The following ZNF500 variants were observed in gnomAD, a reference collection of about 807,000 sequenced individuals.
The protein encoded by ZNF500 is zinc finger protein with KRAB and SCAN domains 18.
A neutral mutation model predicts 30.1 loss-of-function variants in ZNF500; 31 were observed. That is an observed-to-expected ratio of 1.03 (90% CI 0.77 to 1.39). ZNF500 has a LOEUF of 1.39. Ranked by LOEUF, ZNF500 falls within the 40% of genes most tolerant of loss-of-function variation. The pLI, the probability that ZNF500 is intolerant of heterozygous loss-of-function variation, is 0.00. For missense variants in ZNF500, 817 were observed against 657.8 expected (o/e 1.24, Z -2.65); for synonymous variants, 392 against 282.0 (o/e 1.39, Z -3.91).
In ZNF500 at chr16:4,752,093, C is replaced by A; in HGVS notation, c.*283G>T. On this transcript the variant is annotated 3_prime_UTR_variant, in exon 6 of 6. Coordinates refer to ENST00000219478, the MANE Select transcript of ZNF500 (RefSeq NM_021646.4). Reference sequence around the variant, plus strand: ...CCAGCCCCACGAACACCTTGAGTGTCGGCTTCTGGCCTCCTGAGTGTGTCT... The same window carrying A: ...CCAGCCCCACGAACACCTTGAGTGTAGGCTTCTGGCCTCCTGAGTGTGTCT... 21 of 1,321,760 alleles carry A rather than the reference C, an allele frequency of 1.6e-5. No individual in the cohort carries two copies. Among genetic ancestry groups the A allele is most frequent in the East Asian group, 1.5e-4 (5 of 33,938 alleles). 81.9% of individuals were successfully genotyped at this position (1,321,760 alleles called of 1,614,324 possible).
In ZNF500 at chr16:4,752,389, C is replaced by A; in HGVS notation, c.1430G>T (p.Gly477Val). The A allele has an allele frequency of 6.6e-7, 1 of 1,505,390 alleles. No homozygotes were observed. The allele number at this position is 1,505,390 out of a possible 1,614,324, so 93.3% of individuals were successfully genotyped here. A position where few individuals can be genotyped will look rare whatever the true frequency, so the allele number is the denominator to read the frequency against. Residue 477 changes from glycine to valine, a missense_variant, in exon 6 of 6, where the codon GGT becomes GTT. Physicochemically the swap from Gly to Val is moderately radical, Grantham distance 109. Coordinates refer to ENST00000219478, the MANE Select transcript of ZNF500 (RefSeq NM_021646.4). ...CAGGCCTGGTGATCAGGCTTTGGCA[C>A]CGGGGCCTCCAGGAGCCACCGGCTG... Reference protein sequence around the residue: ...TLQPVAPGGPGAKA With the variant: ...TLQPVAPGGPVAKA
At chr16:4,747,919 G>A (rs2082038618), downstream of ZNF500, among the ~76,000 whole-genome samples, 1 of 152,168 alleles carries the variant, frequency 6.6e-6, no homozygotes, top group Non-Finnish European at 1.5e-5. Flanking sequence ...ACGGGGTGCT[G>A]CTCTCTGCGG....
At chr16:4,763,217 G>A (rs949949142) in intron 2 of ZNF500, 8 of 659,254 alleles carry the variant, frequency 1.2e-5, no homozygotes, top group Non-Finnish European at 1.5e-5. Context: ...AACCAACATG[G>A]TGAAACCCCA....
chr16:4,753,344 C>A (rs1596495517), intron 5 of ZNF500, among the ~76,000 whole-genome samples: 1 of 152,194 alleles, frequency 6.6e-6, no homozygotes, highest in Non-Finnish European at 1.5e-5. Flanking sequence ...TGCCTGTAGT[C>A]CTAGCTACTC....
intron 3 of ZNF500, 104 bp from the exon 4 acceptor site, chr16:4,762,439 G>A (rs530832144): frequency 1.3e-6 from 2 of 1,519,066 alleles, no homozygotes; most frequent in Admixed American, 3.9e-5. Context: ...GCCCACCCAA[G>A]ATCCACTCCT....
At chr16:4,746,278 GGTGGCAGCCACGAGCACT>G (rs2082016499), downstream of ZNF500, 3 of 1,328,958 alleles carry the variant, frequency 2.3e-6, no homozygotes, top group Non-Finnish European at 3.1e-6. Flanking sequence ...GCACTCACTG[GGTGGCAGCCACGAGCACT>G]GTGACTGGAC....
chr16:4,746,635 C>A (rs1333732733), downstream of ZNF500: 3 of 1,311,160 alleles, frequency 2.3e-6, no homozygotes, highest in African/African-American at 4.5e-5. Flanking sequence ...TGGATCAATT[C>A]TCAATTGAAA....
downstream of ZNF500, chr16:4,747,271 CT>C: frequency 6.7e-7 from 1 of 1,483,712 alleles, no homozygotes; most frequent in Middle Eastern, 1.9e-4. Flanking sequence ...TGCTTTTCTC[CT>C]GTTTCAGTAA....
chr16:4,762,812 C>T, intron 2 of ZNF500, 56 bp from the exon 3 acceptor site: 1 of 1,530,018 alleles, frequency 6.5e-7, no homozygotes, highest in South Asian at 1.2e-5. Flanking sequence ...AGGAAAAATC[C>T]CCGCAGGGCC....
downstream of ZNF500, chr16:4,746,454 C>A (rs779763562): frequency 1.9e-6 from 3 of 1,613,666 alleles, no homozygotes; most frequent in Middle Eastern, 1.6e-4. Flanking sequence ...CGCAGAGTCC[C>A]CCACCATCTT....
chr16:4,750,235 G>A lies in ZNF500; in HGVS notation c.*2141C>T, dbSNP rs1218415761. 1 of 152,410 alleles carries A rather than the reference G, an allele frequency of 6.6e-6. No homozygotes were observed. Among genetic ancestry groups the A allele is most frequent in the Non-Finnish European group, 1.5e-5 (1 of 68,184 alleles). The allele number at this position is 152,410 out of a possible 1,614,324, so 9.4% of individuals were successfully genotyped here. On this transcript the variant is annotated 3_prime_UTR_variant, in exon 6 of 6. Coordinates refer to ENST00000219478, the MANE Select transcript of ZNF500 (RefSeq NM_021646.4). ...TGCCCCATGAGAGATCCCAGAGCTAGTCTAGAAGGTAAAAGCCGTCCCTCA... is the reference window on the plus strand; with the variant it reads ...TGCCCCATGAGAGATCCCAGAGCTAATCTAGAAGGTAAAAGCCGTCCCTCA...
At chr16:4,754,747 TTTTA>T (rs954139931) in intron 5 of ZNF500, among the ~76,000 whole-genome samples, 1 of 151,924 alleles carries the variant, frequency 6.6e-6, no homozygotes, top group Admixed American at 6.6e-5. Context: ...TATAATAATA[TTTTA>T]TTTATTTATT....
intron 1 of ZNF500, 62 bp from the exon 2 acceptor site, chr16:4,766,138 T>G: frequency 1.2e-6 from 1 of 833,348 alleles, no homozygotes; most frequent in Non-Finnish European, 1.7e-6. Flanking sequence ...CCCTTTGGCC[T>G]GGGAAGCCCC....
intron 2 of ZNF500, chr16:4,763,703 G>C: frequency 3.1e-6 from 3 of 983,256 alleles, no homozygotes; most frequent in Non-Finnish European, 3.6e-6. Context: ...TCGGTGCAGT[G>C]ACAGAAGGAA....
intron 3 of ZNF500, 103 bp from the exon 4 acceptor site, chr16:4,762,438 A>C: frequency 6.6e-7 from 1 of 1,516,600 alleles, no homozygotes; most frequent in Non-Finnish European, 8.9e-7. Flanking sequence ...TGCCCACCCA[A>C]GATCCACTCC....
rs1042125162 is a variant in ZNF500, at chr16:4,765,642, G to C, written c.337C>G (p.Gln113Glu). 3 of 1,613,480 alleles carry C rather than the reference G, an allele frequency of 1.9e-6. No homozygotes were observed. The highest frequency in any genetic ancestry group is 1.7e-6 in the Non-Finnish European group (2 of 1,179,952). ...GCCTCCTCACCGCTCTCCGGCTGCTGCTCGCGTACCCGAGCCTGGATCTCC... is the reference window on the plus strand; with the variant it reads ...GCCTCCTCACCGCTCTCCGGCTGCTCCTCGCGTACCCGAGCCTGGATCTCC... Reference protein sequence around the residue: ...PGEIQARVREQQPESGEEAVV... With the variant: ...PGEIQARVREEQPESGEEAVV... Residue 113 changes from glutamine (Q) to glutamate (E), a missense_variant, in exon 2 of 6, where the codon CAG (glutamine) becomes GAG (glutamate). Physicochemically the swap from Gln to Glu is conservative, Grantham distance 29. Transcript: ENST00000219478.
chr16:4,749,912 C>CA lies in ZNF500; in HGVS notation c.*2463dup, dbSNP rs1247388202. On this transcript the variant is annotated 3_prime_UTR_variant, in exon 6 of 6. Transcript: ENST00000219478. The stretch of plus-strand genomic sequence containing the variant: ...AGGCACCTGGGACTCACAGCTCCTA[C>CA]AAAACTCTCCCATCACGTGAGTGCT... The CA allele has an allele frequency of 2.0e-5, 3 of 152,286 alleles. No individual in the cohort carries two copies. Among genetic ancestry groups the CA allele is most frequent in the Admixed American group, 2.0e-4 (3 of 15,272 alleles). 9.4% of individuals were successfully genotyped at this position (152,286 alleles called of 1,614,324 possible).
downstream of ZNF500, chr16:4,747,132 C>CCTGTGCGGTGGGTGCAGCAAGACCT: frequency 8.0e-7 from 1 of 1,248,254 alleles, no homozygotes; most frequent in Non-Finnish European, 1.1e-6. Flanking sequence ...CTTGCTGCAC[C>CCTGTGCGGTGGGTGCAGCAAGACCT]CACCGCACAG....
intron 2 of ZNF500, chr16:4,763,913 A>G: frequency 1.0e-6 from 1 of 985,442 alleles, no homozygotes; most frequent in African/African-American, 1.7e-5. Context: ...CAGCACTGCC[A>G]CAGGAAGAAA....
Sources: gnomAD v4.1 joint callset for allele counts (sites outside exome capture counted in the v4.1 genomes callset) on GRCh38, gnomAD v4.1.1 for gene constraint, MANE v1.5 for transcripts, NCBI Gene and HGNC (gene_info 2026-07-23, HGNC 2026-07-21) for gene names.